The following ARHGAP15 variants were observed in gnomAD, a reference collection of about 807,000 sequenced individuals.
The protein encoded by ARHGAP15 is rho GTPase-activating protein 15.
ARHGAP15 carries 51 observed loss-of-function variants against 63.7 expected under a neutral mutation model. That is an observed-to-expected ratio of 0.80 (90% CI 0.64 to 1.01). The LOEUF is 1.01. Among genes scored for constraint, ARHGAP15 ranks in the 50% least tolerant of loss-of-function variants. The probability of loss-of-function intolerance (pLI) is 0.00; values close to 1 mark genes in which losing one functional copy is unlikely to be tolerated. For missense variants in ARHGAP15, 560 were observed against 564.6 expected, an observed-to-expected ratio of 0.99 and a Z score of 0.08; for synonymous variants, 191 against 193.8, an observed-to-expected ratio of 0.99 and a Z score of 0.12.
intron 13 of ARHGAP15, among the ~76,000 whole-genome samples, chr2:143,736,969 T>C (rs1319474592): frequency 6.6e-6 from 1 of 152,250 alleles, no homozygotes; most frequent in Non-Finnish European, 1.5e-5. Flanking sequence ...AGAAAGTGTT[T>C]GCAAAGCAAC....
At chr2:143,264,627 A>G (rs1431249783) in intron 6 of ARHGAP15, among the ~76,000 whole-genome samples, 2 of 152,066 alleles carry the variant, frequency 1.3e-5, no homozygotes, top group East Asian at 3.9e-4. Flanking sequence ...ATATCACCCT[A>G]TGAGAATATC....
At chr2:143,412,914 A>G (rs1688503024) in intron 6 of ARHGAP15, among the ~76,000 whole-genome samples, 1 of 151,998 alleles carries the variant, frequency 6.6e-6, no homozygotes, top group African/African-American at 2.4e-5. Flanking sequence ...TTATTTTTCT[A>G]TGTTTAATCT....
intron 12 of ARHGAP15, among the ~76,000 whole-genome samples, chr2:143,691,762 C>T (rs1326812165): frequency 2.0e-5 from 3 of 152,120 alleles, no homozygotes; most frequent in Non-Finnish European, 4.4e-5. Context: ...CATCAATTTA[C>T]AATATAATGG....
At chr2:143,469,605 A>G (rs916770888) in intron 8 of ARHGAP15, among the ~76,000 whole-genome samples, 1 of 152,170 alleles carries the variant, frequency 6.6e-6, no homozygotes, top group Non-Finnish European at 1.5e-5. Flanking sequence ...TACTAGCCTC[A>G]TGCAAACACT....
chr2:143,671,875 T>C (rs1003099227), intron 12 of ARHGAP15, among the ~76,000 whole-genome samples: 2 of 152,194 alleles, frequency 1.3e-5, no homozygotes, highest in Non-Finnish European at 1.5e-5. Flanking sequence ...TATAGGTAGC[T>C]TCATAACAGT....
At chr2:143,315,275 TTACGG>T (rs1190832351) in intron 6 of ARHGAP15, among the ~76,000 whole-genome samples, 8 of 152,172 alleles carry the variant, frequency 5.3e-5, no homozygotes, top group Admixed American at 5.2e-4. Flanking sequence ...ACATATAACA[TTACGG>T]TACTATATTT....
chr2:143,471,744 C>A (rs1691587859), intron 8 of ARHGAP15, among the ~76,000 whole-genome samples: 1 of 152,066 alleles, frequency 6.6e-6, no homozygotes, highest in Non-Finnish European at 1.5e-5. Context: ...GCAGGAAGAC[C>A]AATCTGTTTG....
chr2:143,737,311 C>G (rs920824253), intron 13 of ARHGAP15, among the ~76,000 whole-genome samples: 1 of 152,210 alleles, frequency 6.6e-6, no homozygotes, highest in Non-Finnish European at 1.5e-5. Flanking sequence ...CACATTTGAC[C>G]TATTTATGCA....
At chr2:143,507,198 C>CAAA in intron 9 of ARHGAP15, among the ~76,000 whole-genome samples, 1 of 152,114 alleles carries the variant, frequency 6.6e-6, no homozygotes, top group African/African-American at 2.4e-5. Context: ...CTATCCCTTT[C>CAAA]TTCTTCATTC....
intron 6 of ARHGAP15, among the ~76,000 whole-genome samples, chr2:143,254,581 A>G (rs527666079): frequency 1.3e-5 from 2 of 149,754 alleles, no homozygotes; most frequent in East Asian, 4.0e-4. Flanking sequence ...ATGTATCTCT[A>G]AAAAATTCCC....
At chr2:143,521,497 G>A (rs1001205461) in intron 10 of ARHGAP15, among the ~76,000 whole-genome samples, 1 of 152,090 alleles carries the variant, frequency 6.6e-6, no homozygotes, top group African/African-American at 2.4e-5. Context: ...GTTTATGCAG[G>A]CTTCTGATGA....
At chr2:143,566,313 G>C (rs1696221228) in intron 11 of ARHGAP15, among the ~76,000 whole-genome samples, 1 of 152,110 alleles carries the variant, frequency 6.6e-6, no homozygotes, top group Non-Finnish European at 1.5e-5. Context: ...TAATATGGAA[G>C]GGAGAGATGA....
rs115370005 is a variant in ARHGAP15, at chr2:143,375,103, T to A, written c.475-60498T>A. On this transcript the variant is annotated intron_variant, in intron 6 of 13. Coordinates refer to ENST00000295095, the MANE Select transcript of ARHGAP15 (RefSeq NM_018460.4). ...CACAGATGTGGACATTAAAATGTAGTCTAAGTCATCTTATGACAAAATAGG... is the reference window on the plus strand; with the variant it reads ...CACAGATGTGGACATTAAAATGTAGACTAAGTCATCTTATGACAAAATAGG... 4.3e-3 allele frequency among the ~76,000 whole-genome samples: 658 copies of A among 152,342 alleles called. 3 individuals are homozygous for A. Among genetic ancestry groups the A allele is most frequent in the Non-Finnish European group, 7.9e-3 (540 of 68,034 alleles).
intron 6 of ARHGAP15, among the ~76,000 whole-genome samples, chr2:143,415,124 C>T (rs1249535138): frequency 6.6e-6 from 1 of 152,090 alleles, no homozygotes; most frequent in Admixed American, 6.5e-5. Context: ...GTGCAAGTAT[C>T]TCTAACAGGA....
chr2:143,623,987 A>G lies in ARHGAP15; in HGVS notation c.1004-146A>G, dbSNP rs1442455706. 4.5e-5 allele frequency: 36 copies of G among 795,658 alleles called. No homozygotes were observed. In the South Asian group the frequency reaches 7.9e-4, roughly 17 times the overall value. 49.3% of individuals were successfully genotyped at this position (795,658 alleles called of 1,614,324 possible). On this transcript the variant is annotated intron_variant, in intron 11 of 13. Transcript: ENST00000295095. ...TTCCCTTCCTACGGAAAGAGGGAGG[A>G]AAAAAAAATGCACAGCACCAAACCT...
intron 8 of ARHGAP15, among the ~76,000 whole-genome samples, chr2:143,460,451 T>C (rs1020350526): frequency 9.2e-5 from 14 of 152,202 alleles, no homozygotes; most frequent in Admixed American, 9.2e-4. Flanking sequence ...AAAATATATA[T>C]ATATCTAGAC....
At chr2:143,571,703 ACT>A (rs2105121899) in intron 11 of ARHGAP15, 1 of 151,498 alleles carries the variant, frequency 6.6e-6, no homozygotes, top group African/African-American at 2.4e-5. Context: ...TGGTCTCCTC[ACT>A]CTCTGGCTAC....
chr2:143,550,001 C>G (rs914956540), intron 10 of ARHGAP15, among the ~76,000 whole-genome samples: 1 of 152,016 alleles, frequency 6.6e-6, no homozygotes, highest in African/African-American at 2.4e-5. Context: ...ATTTGATAAT[C>G]CATCTTAAAT....
chr2:143,568,749 A>G (rs1696335199), intron 11 of ARHGAP15, among the ~76,000 whole-genome samples: 1 of 152,238 alleles, frequency 6.6e-6, no homozygotes, highest in African/African-American at 2.4e-5. Flanking sequence ...AATAGCAAAG[A>G]CTTGGAACCA....
Sources: gnomAD v4.1 joint callset for allele counts (sites outside exome capture counted in the v4.1 genomes callset) on GRCh38, gnomAD v4.1.1 for gene constraint, MANE v1.5 for transcripts, NCBI Gene and HGNC (gene_info 2026-07-23, HGNC 2026-07-21) for gene names.